The following RASSF8 variants were observed in gnomAD, a reference collection of about 807,000 sequenced individuals.
The protein encoded by RASSF8 is ras association domain-containing protein 8.
In RASSF8, 22 loss-of-function variants were observed where a neutral mutation model predicts 48.5. The ratio of observed to expected loss-of-function variants is 0.45; its 90% CI spans 0.32 to 0.65. The LOEUF (loss-of-function observed/expected upper bound fraction) is 0.65, where lower values mean the gene tolerates loss of function less well. RASSF8 is among the 30% of genes least tolerant of loss of function. The pLI is 0.03. For synonymous variants in RASSF8, 127 were observed against 171.5 expected (o/e 0.74, Z 2.03); for missense variants, 418 against 489.2 (o/e 0.85, Z 1.37).
intron 1 of RASSF8, among the ~76,000 whole-genome samples, chr12:25,983,743 C>T (rs1178275194): frequency 6.6e-6 from 1 of 151,958 alleles, no homozygotes; most frequent in Non-Finnish European, 1.5e-5. Flanking sequence ...TTGTAGAAAG[C>T]ATAAGGCATT....
intron 1 of RASSF8, among the ~76,000 whole-genome samples, chr12:25,964,291 T>G (rs1218799815): frequency 9.0e-6 from 1 of 111,178 alleles, no homozygotes; most frequent in African/African-American, 4.1e-5. Flanking sequence ...TAGCAAGTGT[T>G]TTTTTTTTTT....
chr12:26,064,712 G>T lies in RASSF8; in HGVS notation c.318G>T (p.Leu106=), dbSNP rs780664103. ...AAAGAACTTTATACAGGCAGAGTCT[G>T]CCCCCCTTAGCTAAACTGAGGCCTC... ...IPERTLYRQS[L]PPLAKLRPQI... is the part of the protein sequence containing the mutation. Residue 106 remains leucine, a synonymous_variant, in exon 4 of 6, where the codon CTG becomes CTT. Transcript: ENST00000689635. 6.8e-6 allele frequency: 11 copies of T among 1,614,106 alleles called. No homozygotes were observed. The highest frequency in any genetic ancestry group is 1.7e-5 in the Admixed American group (1 of 60,008).
intron 5 of RASSF8, among the ~76,000 whole-genome samples, 169 bp from the exon 6 acceptor site, chr12:26,068,528 A>G (rs997269449): frequency 7.2e-5 from 11 of 152,242 alleles, no homozygotes; most frequent in Admixed American, 3.3e-4. Flanking sequence ...TTTATCAAAG[A>G]GACCTGAGAA....
Position 26,071,780 on chromosome 12 carries a change from C to T in RASSF8, c.*2962C>T, listed in dbSNP as rs1056713669. 7.1e-6 allele frequency: 7 copies of T among 981,312 alleles called. No individual in the cohort carries two copies. In the African/African-American group the frequency reaches 8.8e-5, roughly 12 times the overall value. The allele number at this position is 981,312 out of a possible 1,614,324, so 60.8% of individuals were successfully genotyped here. A position where few individuals can be genotyped will look rare whatever the true frequency, so the allele number is the denominator to read the frequency against. Reference sequence around the variant, plus strand: ...AATTAGTCATAAACAAGAGCTACAGCAAGACTGATAGAGTAAAAACTATAT... The same window carrying T: ...AATTAGTCATAAACAAGAGCTACAGTAAGACTGATAGAGTAAAAACTATAT... On this transcript the variant is annotated 3_prime_UTR_variant, in exon 6 of 6. Coordinates refer to ENST00000689635, the MANE Select transcript of RASSF8 (RefSeq NM_001394098.1).
chr12:26,052,657 T>G (rs1268209341), intron 2 of RASSF8: 2 of 152,200 alleles, frequency 1.3e-5, no homozygotes, highest in African/African-American at 2.4e-5. Context: ...ATAGAACTGT[T>G]GGAGTTGATA....
chr12:26,030,649 TCTTTC>T (rs1278999545), intron 2 of RASSF8, among the ~76,000 whole-genome samples: 2 of 149,342 alleles, frequency 1.3e-5, no homozygotes, highest in African/African-American at 2.6e-5. Context: ...ATATTTAACT[TCTTTC>T]TTTTCAAACC....
In RASSF8 at chr12:26,069,096, T is replaced by C; in HGVS notation, c.*278T>C. 1 of 1,078,380 alleles carries C rather than the reference T, an allele frequency of 9.3e-7. No individual in the cohort carries two copies. Among genetic ancestry groups the C allele is most frequent in the East Asian group, 7.0e-5 (1 of 14,194 alleles). The allele number at this position is 1,078,380 out of a possible 1,614,324, so 66.8% of individuals were successfully genotyped here. On this transcript the variant is annotated 3_prime_UTR_variant, in exon 6 of 6. Coordinates refer to ENST00000689635, the MANE Select transcript of RASSF8 (RefSeq NM_001394098.1). ...TAGCATTTTGAGAGCTTTAGGAAAG[T>C]ATTATATAGTGTGTATACATAAATA...
chr12:26,055,519 T>C (rs1943583299), intron 3 of RASSF8, 73 bp downstream of exon 3: 3 of 1,257,208 alleles, frequency 2.4e-6, no homozygotes, highest in Non-Finnish European at 3.5e-6. Flanking sequence ...GTTTTAAATA[T>C]AGATTTCTAG....
At chr12:25,993,491 A>G (rs561187763) in intron 1 of RASSF8, among the ~76,000 whole-genome samples, 92 of 152,360 alleles carry the variant, frequency 6.0e-4, no homozygotes, top group African/African-American at 2.0e-3. Context: ...TAGGTAAATA[A>G]GAATAGTTTA....
chr12:25,971,410 C>T (rs1357946893), intron 1 of RASSF8, among the ~76,000 whole-genome samples: 4 of 152,152 alleles, frequency 2.6e-5, no homozygotes, highest in African/African-American at 9.7e-5. Context: ...GCCTCCTGAA[C>T]TAACATTGGG....
chr12:26,025,479 G>A (rs1942888215), intron 2 of RASSF8, among the ~76,000 whole-genome samples: 1 of 150,942 alleles, frequency 6.6e-6, no homozygotes, highest in African/African-American at 2.4e-5. Context: ...GGAGAATGGC[G>A]TGAACCCGGG....
chr12:26,055,246 A>T lies in RASSF8; in HGVS notation c.-98A>T. ...TTTGCCCTTTTTTAGCTGACTACAC[A>T]GACTTAGTCTTCTCCACTCCGTGTT... On this transcript the variant is annotated 5_prime_UTR_variant, in exon 3 of 6. Coordinates refer to ENST00000689635, the MANE Select transcript of RASSF8 (RefSeq NM_001394098.1). 1 of 959,976 alleles carries T rather than the reference A, an allele frequency of 1.0e-6. No homozygotes were observed. The highest frequency in any genetic ancestry group is 1.6e-5 in the African/African-American group (1 of 62,422). 59.5% of individuals were successfully genotyped at this position (959,976 alleles called of 1,614,324 possible).
At chr12:26,012,486 A>G (rs1055171478) in intron 2 of RASSF8, among the ~76,000 whole-genome samples, 14 of 152,144 alleles carry the variant, frequency 9.2e-5, no homozygotes, top group African/African-American at 3.4e-4. Context: ...TTTCTGAAAA[A>G]GGAGGAATAG....
At position 26,035,164 on chromosome 12, in the gene RASSF8, T is replaced by C. The variant is rs111844153; in HGVS notation, c.-108-20072T>C. Among the ~76,000 whole-genome samples the C allele has an allele frequency of 6.5e-3, 992 of 152,104 alleles. 13 individuals carry two copies. Among genetic ancestry groups the C allele is most frequent in the African/African-American group, 0.023 (950 of 41,498 alleles). On this transcript the variant is annotated intron_variant, in intron 2 of 5. Coordinates refer to ENST00000689635, the MANE Select transcript of RASSF8 (RefSeq NM_001394098.1). ...GGCACTGACCCCTACTCTGTGGAAA[T>C]GGCTTTCCAACCAGTTTTACTCTTG...
intron 1 of RASSF8, among the ~76,000 whole-genome samples, chr12:25,990,114 C>T (rs891225782): frequency 6.6e-6 from 1 of 152,120 alleles, no homozygotes; most frequent in African/African-American, 2.4e-5. Context: ...GCATCCTGAT[C>T]AAGTCACCTA....
At chr12:26,079,104 C>A in exon 6 of RASSF8, 3 of 1,469,228 alleles carry the variant, frequency 2.0e-6, no homozygotes, top group Non-Finnish European at 1.8e-6. Flanking sequence ...GCAAGAAAAG[C>A]AAAAATGAAC....
intron 2 of RASSF8, among the ~76,000 whole-genome samples, chr12:26,053,246 G>A (rs1342544707): frequency 6.6e-6 from 1 of 151,560 alleles, no homozygotes; most frequent in Non-Finnish European, 1.5e-5. Context: ...TGGCAGGGGG[G>A]CTTTAATGAG....
chr12:26,049,806 C>T (rs757153692), intron 2 of RASSF8, among the ~76,000 whole-genome samples: 6 of 152,072 alleles, frequency 3.9e-5, no homozygotes, highest in South Asian at 2.1e-4. Flanking sequence ...TTTTTTGAGA[C>T]GGAGTCTCGC....
chr12:26,014,724 G>C (rs929112034), intron 2 of RASSF8, among the ~76,000 whole-genome samples: 1 of 152,074 alleles, frequency 6.6e-6, no homozygotes, highest in African/African-American at 2.4e-5. Context: ...AAACTTTGAA[G>C]TTTTCATTAA....
Sources: gnomAD v4.1 joint callset for allele counts (sites outside exome capture counted in the v4.1 genomes callset) on GRCh38, gnomAD v4.1.1 for gene constraint, MANE v1.5 for transcripts, NCBI Gene and HGNC (gene_info 2026-07-23, HGNC 2026-07-21) for gene names.